The following IQCK variants were observed in gnomAD, a reference collection of about 807,000 sequenced individuals.
The protein encoded by IQCK is IQ domain-containing protein K.
IQCK carries 29 observed loss-of-function variants against 28.1 expected under a neutral mutation model. That is an observed-to-expected ratio of 1.03 (90% CI 0.77 to 1.41). IQCK has a LOEUF of 1.41. Ranked by LOEUF, IQCK falls within the 40% of genes most tolerant of loss-of-function variation. IQCK has a pLI of 0.00. For missense variants in IQCK, 359 were observed against 314.7 expected, an observed-to-expected ratio of 1.14 and a Z score of -1.07; for synonymous variants, 113 against 115.1, an observed-to-expected ratio of 0.98 and a Z score of 0.12.
At chr16:19,851,279 G>A (rs866649638) in intron 9 of IQCK, among the ~76,000 whole-genome samples, 2 of 152,132 alleles carry the variant, frequency 1.3e-5, no homozygotes, top group Non-Finnish European at 2.9e-5. Flanking sequence ...CAGCACTGAG[G>A]GGGAGGGGAT....
At chr16:19,784,790 A>G (rs950460425) in intron 6 of IQCK, among the ~76,000 whole-genome samples, 2 of 152,066 alleles carry the variant, frequency 1.3e-5, no homozygotes, top group Non-Finnish European at 2.9e-5. Flanking sequence ...TCTTTTTGAG[A>G]TGGAGTCTTG....
At position 19,844,226 on chromosome 16, in the gene IQCK, C is replaced by T. The variant is rs922388823; in HGVS notation, c.803-12261C>T. Among the ~76,000 whole-genome samples, 4 of 152,124 alleles carry T rather than the reference C, an allele frequency of 2.6e-5. No individual in the cohort carries two copies. The South Asian group carries it at 8.3e-4, about 32-fold the overall frequency. On this transcript the variant is annotated intron_variant, in intron 9 of 9. Transcript: ENST00000320394. ...TCCCAAGTAGCTAGGATTACAGGCA[C>T]CTGCCACCACGCCCGGCTAATTTTT...
chr16:19,780,561 C>T (rs1028816059), intron 6 of IQCK, among the ~76,000 whole-genome samples: 15 of 152,144 alleles, frequency 9.9e-5, no homozygotes, highest in Admixed American at 5.9e-4. Flanking sequence ...TAACTGTCTA[C>T]GATTCAGGGG....
chr16:19,771,362 G>A (rs1306272761), intron 6 of IQCK, among the ~76,000 whole-genome samples: 1 of 152,126 alleles, frequency 6.6e-6, no homozygotes, highest in African/African-American at 2.4e-5. Flanking sequence ...AAAGTGCTGG[G>A]ATTACAGTTT....
At chr16:19,722,663 C>T (rs1977530996) in intron 1 of IQCK, among the ~76,000 whole-genome samples, 1 of 152,100 alleles carries the variant, frequency 6.6e-6, no homozygotes, top group Non-Finnish European at 1.5e-5. Flanking sequence ...AACAACTTAT[C>T]TCCATCTCCA....
At chr16:19,846,369 C>T (rs1046065600) in intron 9 of IQCK, among the ~76,000 whole-genome samples, 3 of 152,156 alleles carry the variant, frequency 2.0e-5, no homozygotes, top group African/African-American at 7.2e-5. Context: ...CCTGTCAATA[C>T]CTCAGTTTTC....
intron 4 of IQCK, among the ~76,000 whole-genome samples, chr16:19,740,326 A>G (rs2054815807): frequency 6.6e-6 from 1 of 152,164 alleles, no homozygotes; most frequent in African/African-American, 2.4e-5. Flanking sequence ...CAGAAATTGT[A>G]TCAAATTGTG....
rs377115693 is a variant in IQCK at position 19,732,289 on chromosome 16, C to T, written c.247-1409C>T. Among the ~76,000 whole-genome samples, 27 of 152,304 alleles carry T rather than the reference C, an allele frequency of 1.8e-4. No individual in the cohort carries two copies. The South Asian group carries it at 3.9e-3, about 22-fold the overall frequency. On this transcript the variant is annotated intron_variant, in intron 2 of 7. Coordinates refer to ENST00000564186, the Ensembl canonical transcript of IQCK. ...CTGAAAATTAACCATCACAGTATCA[C>T]GGCTGATGTGGCTTTCTTCTACTGC...
intron 4 of IQCK, among the ~76,000 whole-genome samples, chr16:19,751,116 A>G (rs2054980642): frequency 6.6e-6 from 1 of 152,112 alleles, no homozygotes; most frequent in Non-Finnish European, 1.5e-5. Context: ...AGTGATAATC[A>G]TAGTACCCAC....
chr16:19,778,112 G>T (rs771997960), intron 6 of IQCK, among the ~76,000 whole-genome samples: 2 of 152,138 alleles, frequency 1.3e-5, no homozygotes, highest in Non-Finnish European at 2.9e-5. Context: ...GCACATCTGG[G>T]CTCCAATCTT....
chr16:19,761,157 A>G, intron 4 of IQCK: 1 of 312,776 alleles, frequency 3.2e-6, no homozygotes, highest in Non-Finnish European at 6.4e-6. Flanking sequence ...AATGCAGCCC[A>G]ATAGGTCTCA....
At chr16:19,775,153 G>C (rs529389633) in intron 6 of IQCK, among the ~76,000 whole-genome samples, 2 of 151,948 alleles carry the variant, frequency 1.3e-5, no homozygotes, top group South Asian at 4.2e-4. Context: ...CTTGAACCCG[G>C]GAGGTGGAGA....
At chr16:19,739,061 A>G (rs2054797353) in intron 4 of IQCK, among the ~76,000 whole-genome samples, 1 of 152,150 alleles carries the variant, frequency 6.6e-6, no homozygotes, top group Admixed American at 6.5e-5. Flanking sequence ...CTCAGCTTGC[A>G]TGGCCCACTC....
At chr16:19,813,743 G>A (rs1427127900) in intron 7 of IQCK, among the ~76,000 whole-genome samples, 15 of 152,180 alleles carry the variant, frequency 9.9e-5, no homozygotes, top group Non-Finnish European at 2.9e-5. Flanking sequence ...TTAACCAATA[G>A]GAAATAAATT....
intron 4 of IQCK, among the ~76,000 whole-genome samples, chr16:19,737,633 T>C (rs1265987199): frequency 6.6e-6 from 1 of 152,154 alleles, no homozygotes; most frequent in Non-Finnish European, 1.5e-5. Context: ...TTGACAACAG[T>C]AGATCCACAT....
intron 4 of IQCK, among the ~76,000 whole-genome samples, chr16:19,739,119 A>G (rs2054798038): frequency 2.0e-5 from 3 of 152,186 alleles, no homozygotes; most frequent in Admixed American, 6.5e-5. Context: ...CTTAAATGCA[A>G]TTCAGCTATC....
At chr16:19,833,300 A>G (rs920564625) in intron 9 of IQCK, among the ~76,000 whole-genome samples, 2 of 152,206 alleles carry the variant, frequency 1.3e-5, no homozygotes, top group Non-Finnish European at 2.9e-5. Flanking sequence ...AATCTATTAC[A>G]TAAATTCACA....
chr16:19,767,274 C>A (rs149560574), intron 6 of IQCK, among the ~76,000 whole-genome samples: 3 of 152,298 alleles, frequency 2.0e-5, no homozygotes, highest in South Asian at 4.2e-4. Flanking sequence ...TCACCCTCTA[C>A]CTTGTTGCGA....
At chr16:19,857,227 C>A (rs1012947956) in exon 10 of IQCK, 3 of 292,210 alleles carry the variant, frequency 1.0e-5, no homozygotes, top group Admixed American at 1.0e-4. Context: ...ACAGACCGAC[C>A]CTCAAGGCAG....
Sources: allele counts gnomAD v4.1 joint callset (sites outside exome capture counted in the v4.1 genomes callset), GRCh38; gene constraint gnomAD v4.1.1; transcripts MANE v1.5; gene names NCBI Gene and HGNC (gene_info 2026-07-23, HGNC 2026-07-21).